Variants in HTR2C observed in about 807,000 individuals in gnomAD.
HTR2C encodes the protein 5-hydroxytryptamine receptor 2C.
HTR2C carries 5 observed loss-of-function variants against 21.0 expected under a neutral mutation model. That is an observed-to-expected ratio of 0.24 (90% confidence interval 0.12 to 0.50). The LOEUF (loss-of-function observed/expected upper bound fraction) is 0.50. Among genes scored for constraint, HTR2C ranks in the 20% least tolerant of loss-of-function variants. HTR2C has a pLI of 0.98. For missense variants in HTR2C, 271 were observed against 371.2 expected, an observed-to-expected ratio of 0.73 and a Z score of 2.22; for synonymous variants, 150 against 145.3, an observed-to-expected ratio of 1.03 and a Z score of -0.23.
At chrX:114,618,199 A>G (rs1423425924) in intron 2 of HTR2C, among the ~76,000 whole-genome samples, 1 of 112,158 alleles carries the variant, frequency 8.9e-6, no homozygotes. Flanking sequence ...TTTTCACTCA[A>G]TAGTCTGTGC....
chrX:114,859,029 CT>C (rs377177122), intron 5 of HTR2C, among the ~76,000 whole-genome samples: 22 of 107,781 alleles, frequency 2.0e-4, no homozygotes, highest in African/African-American at 4.7e-4. Flanking sequence ...TTGTAATGGG[CT>C]TTTTTTTTCT....
chrX:114,898,060 C>G (rs1288499692), intron 5 of HTR2C, among the ~76,000 whole-genome samples: 2 of 112,357 alleles, frequency 1.8e-5, no homozygotes, highest in East Asian at 5.6e-4. Context: ...ACAACCTCAC[C>G]ACCCTCTGTT....
At position 114,731,281 on chromosome X, in the gene HTR2C, T is replaced by C. The variant is rs1415010821; in HGVS notation, c.36-13T>C. 4 of 1,139,153 alleles carry C rather than the reference T, an allele frequency of 3.5e-6. No individual in the cohort carries two copies. The highest frequency in any genetic ancestry group is 2.5e-4 in the Middle Eastern group (1 of 4,059). The allele number at this position is 1,139,153 out of a possible 1,213,427, so 93.9% of individuals were successfully genotyped here. Reference sequence around the variant, plus strand: ...ATATGTACCTGATTGTTTTTTTTTTTCTTAATTTTCAGTGTGCACCTAATT... The same window carrying C: ...ATATGTACCTGATTGTTTTTTTTTTCCTTAATTTTCAGTGTGCACCTAATT... On this transcript the variant is annotated splice_polypyrimidine_tract_variant and intron_variant, in intron 3 of 5. Transcript: ENST00000276198.
intron 4 of HTR2C, among the ~76,000 whole-genome samples, chrX:114,738,771 A>G (rs1349309939): frequency 4.6e-5 from 5 of 109,564 alleles, no homozygotes; most frequent in African/African-American, 1.7e-4. Flanking sequence ...AAACCTGCAC[A>G]TTCTTCGCAT....
At chrX:114,796,018 T>C (rs1243193316) in intron 4 of HTR2C, among the ~76,000 whole-genome samples, 1 of 111,516 alleles carries the variant, frequency 9.0e-6, no homozygotes, top group African/African-American at 3.3e-5. Flanking sequence ...TGTTTTCCCT[T>C]GAGTTTTCTT....
intron 4 of HTR2C, among the ~76,000 whole-genome samples, chrX:114,844,375 A>G (rs1357503342): frequency 9.0e-6 from 1 of 111,562 alleles, no homozygotes; most frequent in Non-Finnish European, 1.9e-5. Context: ...AAATAATACA[A>G]AGAGAAAGAG....
At chrX:114,636,626 T>G (rs2147821530) in intron 2 of HTR2C, among the ~76,000 whole-genome samples, 1 of 111,965 alleles carries the variant, frequency 8.9e-6, no homozygotes, top group South Asian at 3.7e-4. Context: ...TTCTTTTATC[T>G]TTGTCACTTG....
intron 2 of HTR2C, among the ~76,000 whole-genome samples, chrX:114,674,263 A>G (rs1931478146): frequency 8.9e-6 from 1 of 112,259 alleles, no homozygotes; most frequent in Non-Finnish European, 1.9e-5. Flanking sequence ...CATATGGTTC[A>G]TTCTATGTAG....
intron 2 of HTR2C, among the ~76,000 whole-genome samples, chrX:114,685,303 G>A (rs1931875805): frequency 9.0e-6 from 1 of 111,536 alleles, no homozygotes; most frequent in Non-Finnish European, 1.9e-5. Context: ...CAAGAACAAT[G>A]CTTAATTATC....
At chrX:114,844,918 T>G (rs1377241472) in intron 4 of HTR2C, among the ~76,000 whole-genome samples, 1 of 111,807 alleles carries the variant, frequency 8.9e-6, no homozygotes, top group African/African-American at 3.2e-5. Context: ...TAATAATATT[T>G]GGAGATATCA....
rs1455610291 is a variant in HTR2C at position 114,865,391 on chromosome X, ATACTT to A, written c.550+17189_550+17193del. On this transcript the variant is annotated intron_variant, in intron 5 of 5. Coordinates refer to ENST00000276198, the MANE Select transcript of HTR2C (RefSeq NM_000868.4). ...ATATATTTTTATTTCTCTTGGATAAATACTTAAGAGTAGAATGGCAGGGCTTGTAC... is the reference window on the plus strand; with the variant it reads ...ATATATTTTTATTTCTCTTGGATAAAAAGAGTAGAATGGCAGGGCTTGTAC... Among the ~76,000 whole-genome samples, 4 of 112,184 alleles carry A rather than the reference ATACTT, an allele frequency of 3.6e-5. No homozygotes were observed. The East Asian group carries it at 8.4e-4, about 23-fold the overall frequency.
chrX:114,909,062 A>G lies in HTR2C; in HGVS notation c.*1647A>G, dbSNP rs202076070. The G allele has an allele frequency of 8.9e-6, 1 of 112,566 alleles. No homozygotes were observed. Among genetic ancestry groups the G allele is most frequent in the Non-Finnish European group, 1.9e-5 (1 of 53,245 alleles). The allele number at this position is 112,566 out of a possible 1,213,427, so 9.3% of individuals were successfully genotyped here. Reference sequence around the variant, plus strand: ...TCTGTGTTCTCAACACACAGTATAGATAAATCCAATAGTCTGCCACAAGGG... The same window carrying G: ...TCTGTGTTCTCAACACACAGTATAGGTAAATCCAATAGTCTGCCACAAGGG... On this transcript the variant is annotated 3_prime_UTR_variant, in exon 6 of 6. Coordinates refer to ENST00000276198, the MANE Select transcript of HTR2C (RefSeq NM_000868.4).
chrX:114,764,925 TTTCCTTCCTTCC>T (rs1246112334), intron 4 of HTR2C, among the ~76,000 whole-genome samples: 12,930 of 45,072 alleles, frequency 0.29, 1,346 homozygotes, highest in Admixed American at 0.39. Context: ...CTTTCTTTCT[TTTCCTTCCTTCC>T]TTCCTTCCTT....
intron 2 of HTR2C, among the ~76,000 whole-genome samples, chrX:114,694,369 A>G (rs1220846252): frequency 9.4e-6 from 1 of 106,536 alleles, no homozygotes; most frequent in Admixed American, 9.9e-5. Flanking sequence ...CATTCCATCT[A>G]CTTGTGCGTT....
chrX:114,606,154 C>T (rs891481632), intron 1 of HTR2C, among the ~76,000 whole-genome samples: 6 of 110,475 alleles, frequency 5.4e-5, no homozygotes, highest in South Asian at 3.9e-4. Flanking sequence ...CATAGAAAAG[C>T]GGGACTTGCC....
chrX:114,752,166 CAATG>C (rs2069766643), intron 4 of HTR2C, among the ~76,000 whole-genome samples: 6 of 111,389 alleles, frequency 5.4e-5, no homozygotes, highest in Admixed American at 4.8e-4. Flanking sequence ...GATATTTAGA[CAATG>C]AATAAGTTAG....
chrX:114,753,785 A>G (rs191182633), intron 4 of HTR2C, among the ~76,000 whole-genome samples: 1 of 112,246 alleles, frequency 8.9e-6, no homozygotes, highest in East Asian at 2.8e-4. Flanking sequence ...TAAATAAATC[A>G]AGAGGCATAC....
intron 4 of HTR2C, among the ~76,000 whole-genome samples, chrX:114,836,412 G>A (rs782114587): frequency 6.2e-5 from 7 of 112,684 alleles, no homozygotes; most frequent in African/African-American, 1.6e-4. Context: ...CTGGTGGTGC[G>A]CCGTTTTTTA....
chrX:114,598,139 A>G (rs1197873321), intron 1 of HTR2C, among the ~76,000 whole-genome samples: 2 of 111,987 alleles, frequency 1.8e-5, no homozygotes, highest in East Asian at 5.6e-4. Context: ...TGTTAAATTC[A>G]GAGAAGATTG....
Sources: gnomAD v4.1 joint callset for allele counts (sites outside exome capture counted in the v4.1 genomes callset) on GRCh38, gnomAD v4.1.1 for gene constraint, MANE v1.5 for transcripts, NCBI Gene and HGNC (gene_info 2026-07-23, HGNC 2026-07-21) for gene names.